LDLRAD4: variants seen among roughly 807,000 people sequenced by gnomAD.
LDLRAD4 encodes the protein low density lipoprotein receptor class A domain containing 4.
Under a neutral mutation model 17.0 loss-of-function variants are expected in LDLRAD4, and 5 were observed. The ratio of observed to expected loss-of-function variants is 0.29; its 90% CI spans 0.15 to 0.62. The LOEUF (loss-of-function observed/expected upper bound fraction) is 0.62. LDLRAD4 is among the 20% of genes least tolerant of loss of function. The pLI, the probability that LDLRAD4 is intolerant of heterozygous loss-of-function variation, is 0.84. For synonymous variants in LDLRAD4, 168 were observed against 171.8 expected, an observed-to-expected ratio of 0.98 and a Z score of 0.17; for missense variants, 340 against 424.7, an observed-to-expected ratio of 0.80 and a Z score of 1.75.
At chr18:13,369,729 T>C (rs985727444) in intron 1 of LDLRAD4, among the ~76,000 whole-genome samples, 1 of 152,192 alleles carries the variant, frequency 6.6e-6, no homozygotes, top group African/African-American at 2.4e-5. Flanking sequence ...TCTGAGTAAA[T>C]ATTGAGAGTG....
intron 4 of LDLRAD4, among the ~76,000 whole-genome samples, chr18:13,624,656 A>G (rs1017097745): frequency 1.3e-5 from 2 of 152,146 alleles, no homozygotes; most frequent in African/African-American, 2.4e-5. Flanking sequence ...GGCCTGGCCC[A>G]TGTGCAGTTG....
At chr18:13,263,570 G>A (rs954383642) in intron 1 of LDLRAD4, among the ~76,000 whole-genome samples, 3 of 152,172 alleles carry the variant, frequency 2.0e-5, no homozygotes, top group African/African-American at 7.2e-5. Context: ...CAGCTGGCCT[G>A]GGTTCGAGTC....
chr18:13,547,474 A>T (rs2094381566), intron 3 of LDLRAD4, among the ~76,000 whole-genome samples: 1 of 152,150 alleles, frequency 6.6e-6, no homozygotes, highest in Non-Finnish European at 1.5e-5. Flanking sequence ...GCTCAGGCCC[A>T]CTGGGCTCGT....
chr18:13,510,246 A>G (rs925768766), intron 3 of LDLRAD4, among the ~76,000 whole-genome samples: 4 of 152,218 alleles, frequency 2.6e-5, no homozygotes, highest in African/African-American at 9.6e-5. Context: ...CTCCGTGGTT[A>G]GATCTAGAAT....
rs200805362 is a variant in LDLRAD4 at position 13,621,152 on chromosome 18, G to A, written c.217G>A (p.Val73Met). The change falls in exon 4 of 6, where the codon GTG (valine) becomes ATG (methionine). Residue 73 changes from valine to methionine, a missense_variant. Val to Met is a conservative substitution (Grantham distance 21). Coordinates refer to ENST00000359446, the Ensembl canonical transcript of LDLRAD4. This position sits in a 1 kb window ranked among gnomAD's most constrained non-coding sequence, Gnocchi z 5.5. Reference sequence around the variant, plus strand: ...GTTCGCCCAAATCATCATCATCGTCGTGGTGGTCACGGTGATGGTGGTGGT... The same window carrying A: ...GTTCGCCCAAATCATCATCATCGTCATGGTGGTCACGGTGATGGTGGTGGT... The A allele has an allele frequency of 6.0e-5, 97 of 1,614,210 alleles. No homozygotes were observed. The highest frequency in any genetic ancestry group is 1.3e-4 in the East Asian group (6 of 44,884).
chr18:13,639,225 T>TCTGAGCGGCAGCCAG (rs1368704023), intron 4 of LDLRAD4, among the ~76,000 whole-genome samples: 2 of 152,252 alleles, frequency 1.3e-5, no homozygotes, highest in Non-Finnish European at 2.9e-5. Context: ...AATGCTGCCA[T>TCTGAGCGGCAGCCAG]CTGAGCGGCA....
intron 1 of LDLRAD4, among the ~76,000 whole-genome samples, chr18:13,360,913 C>T (rs1489336031): frequency 6.6e-6 from 1 of 152,098 alleles, no homozygotes; most frequent in Admixed American, 6.5e-5. Context: ...CTTTTTTCTC[C>T]AGAGGAGGAG....
At chr18:13,646,751 A>G (rs1347533873) in exon 6 of LDLRAD4, 1 of 152,610 alleles carries the variant, frequency 6.6e-6, no homozygotes, top group African/African-American at 2.4e-5. Flanking sequence ...TATTCTGCAT[A>G]CTGTTGAAAT....
At chr18:13,582,540 C>T (rs1490829106) in intron 3 of LDLRAD4, among the ~76,000 whole-genome samples, 2 of 152,178 alleles carry the variant, frequency 1.3e-5, no homozygotes, top group Non-Finnish European at 2.9e-5. Flanking sequence ...TTCCTTTGAG[C>T]GATGGGAGGA....
chr18:13,409,590 C>T (rs533381020), intron 2 of LDLRAD4, among the ~76,000 whole-genome samples: 1 of 152,268 alleles, frequency 6.6e-6, no homozygotes, highest in South Asian at 2.1e-4. Flanking sequence ...AGAACATATG[C>T]CAATTTTGTA....
chr18:13,616,594 G>A (rs28475047), intron 3 of LDLRAD4, among the ~76,000 whole-genome samples: 7,803 of 152,262 alleles, frequency 0.051, 623 homozygotes, highest in African/African-American at 0.17. Flanking sequence ...GCCCTCAGGG[G>A]AGGGCTTCGG....
At chr18:13,418,571 G>C (rs1186883644) in intron 2 of LDLRAD4, among the ~76,000 whole-genome samples, 1 of 152,170 alleles carries the variant, frequency 6.6e-6, no homozygotes, top group Non-Finnish European at 1.5e-5. Context: ...GACAGCCCTT[G>C]GGTTTTATGT....
chr18:13,642,434 C>A (rs2042658409), intron 4 of LDLRAD4: 3 of 1,167,772 alleles, frequency 2.6e-6, no homozygotes, highest in African/African-American at 3.2e-5. Flanking sequence ...TTGGAAAGAA[C>A]CTTTACTGAG....
chr18:13,324,964 T>C (rs1282785998), intron 1 of LDLRAD4, among the ~76,000 whole-genome samples: 1 of 152,158 alleles, frequency 6.6e-6, no homozygotes, highest in East Asian at 1.9e-4. Context: ...ATGCGTCTCT[T>C]GTTCAGTAAA....
intron 2 of LDLRAD4, among the ~76,000 whole-genome samples, chr18:13,413,345 C>T (rs939251854): frequency 5.3e-5 from 8 of 152,176 alleles, no homozygotes; most frequent in Admixed American, 2.0e-4. Flanking sequence ...TCGTAAATTC[C>T]GGCTATTTTG....
chr18:13,342,477 C>CTTTTTTTTT (rs10706515), intron 1 of LDLRAD4, among the ~76,000 whole-genome samples: 3 of 38,702 alleles, frequency 7.8e-5, no homozygotes, highest in Non-Finnish European at 1.4e-4. Context: ...GCCTTCCTGT[C>CTTTTTTTTT]TTTTTTTTTT....
At chr18:13,642,421 G>A in intron 4 of LDLRAD4, 1 of 1,147,482 alleles carries the variant, frequency 8.7e-7, no homozygotes, top group Non-Finnish European at 1.1e-6. Context: ...CACGCGTGGG[G>A]CCTTGGAAAG....
At chr18:13,563,926 GTC>G (rs5823261) in intron 3 of LDLRAD4, among the ~76,000 whole-genome samples, 130,911 of 151,064 alleles carry the variant, frequency 0.87, 58,766 homozygotes, top group South Asian at 0.98. Context: ...TTTTAAGAGA[GTC>G]TCTCTCTCTC....
intron 1 of LDLRAD4, chr18:13,241,932 T>C (rs1339687050): frequency 6.6e-6 from 1 of 152,256 alleles, no homozygotes; most frequent in Non-Finnish European, 1.5e-5. Flanking sequence ...CAGACCCTTA[T>C]GTACTGCAGA....
Sources: gnomAD v4.1 joint callset for allele counts (sites outside exome capture counted in the v4.1 genomes callset) on GRCh38, gnomAD v4.1.1 for gene constraint, Gnocchi (gnomAD v3.1) non-coding constraint, MANE v1.5 for transcripts, NCBI Gene and HGNC (gene_info 2026-07-23, HGNC 2026-07-21) for gene names.